The following GRM4 variants were observed in gnomAD, a reference collection of about 807,000 sequenced individuals.
GRM4 encodes the protein glutamate metabotropic receptor 4, also known as metabotropic glutamate receptor 4.
Under a neutral mutation model 81.7 loss-of-function variants are expected in GRM4, and 28 were observed. The ratio of observed to expected loss-of-function variants is 0.34; its 90% confidence interval spans 0.25 to 0.47. GRM4 has a LOEUF of 0.47. Among genes scored for constraint, GRM4 ranks in the 20% least tolerant of loss-of-function variants. The pLI, the probability that GRM4 is intolerant of heterozygous loss-of-function variation, is 1.00. For missense variants in GRM4, 948 were observed against 1,290.0 expected (o/e 0.73, Z 4.06); for synonymous variants, 488 against 528.8 (o/e 0.92, Z 1.06).
rs1394899016 is a variant in GRM4 at position 34,034,587 on chromosome 6, C to T, written c.2442+1081G>A. 1.3e-5 allele frequency among the ~76,000 whole-genome samples: 2 copies of T among 152,246 alleles called. No individual in the cohort carries two copies. Among genetic ancestry groups the T allele is most frequent in the Non-Finnish European group, 2.9e-5 (2 of 68,040 alleles). The stretch of plus-strand genomic sequence containing the variant: ...TCATTGCCACCATCTGGCCTGTCAC[C>T]TCTCTGATCTCGTTCCCCACTCCTC... On this transcript the variant is annotated intron_variant, in intron 9 of 10. Transcript: ENST00000538487. This position sits in a 1 kb window ranked among gnomAD's most constrained non-coding sequence, Gnocchi z 4.0.
Position 34,069,005 on chromosome 6 carries a change from CT to C in GRM4, c.737-6978del, listed in dbSNP as rs1766636557. On this transcript the variant is annotated intron_variant, in intron 3 of 10. Transcript: ENST00000538487. This position sits in a 1 kb window ranked among gnomAD's most constrained non-coding sequence, Gnocchi z 6.4. ...ACCCTAGGAATTCAAGTGGAAAAATCTACCTTATGGCAAAATGTGAAGGCAG... is the reference window on the plus strand; with the variant it reads ...ACCCTAGGAATTCAAGTGGAAAAATCACCTTATGGCAAAATGTGAAGGCAG... 6.6e-6 allele frequency among the ~76,000 whole-genome samples: 1 copy of C among 152,014 alleles called. No homozygotes were observed.
Position 34,033,409 on chromosome 6 carries a change from TG to T in GRM4, c.2442+2258del, listed in dbSNP as rs1398510066. Among the ~76,000 whole-genome samples, 3 of 149,296 alleles carry T rather than the reference TG, an allele frequency of 2.0e-5. No individual in the cohort carries two copies. The South Asian group carries it at 6.6e-4, about 33-fold the overall frequency. Reference sequence around the variant, plus strand: ...GCAGGGGGGAAGGGTGTGCTGGGGATGGGGGGGTGCTCCTAAGTTAGACAAA... The same window carrying T: ...GCAGGGGGGAAGGGTGTGCTGGGGATGGGGGGTGCTCCTAAGTTAGACAAA... On this transcript the variant is annotated intron_variant, in intron 9 of 10. Coordinates refer to ENST00000538487, the MANE Select transcript of GRM4 (RefSeq NM_000841.4).
rs996904916 is a variant in GRM4 at position 34,069,280 on chromosome 6, C to A, written c.737-7252G>T. 3.9e-5 allele frequency among the ~76,000 whole-genome samples: 6 copies of A among 152,246 alleles called. No homozygotes were observed. Among genetic ancestry groups the A allele is most frequent in the Admixed American group, 2.6e-4 (4 of 15,290 alleles). On this transcript the variant is annotated intron_variant, in intron 3 of 10. Transcript: ENST00000538487. This position sits in a 1 kb window ranked among gnomAD's most constrained non-coding sequence, Gnocchi z 6.4. ...CCAAAACAGCTCTCAGGAAGGGGAC[C>A]AGAAATAGCTGCTCAGAGGGCTTGG...
At position 34,035,680 on chromosome 6, in the gene GRM4, C is replaced by T; in HGVS notation, c.2430G>A (p.Gln810=). 2 of 1,577,554 alleles carry T rather than the reference C, an allele frequency of 1.3e-6. No homozygotes were observed. The highest frequency in any genetic ancestry group is 8.7e-7 in the Non-Finnish European group (1 of 1,153,794). The change falls in exon 9 of 11, where the codon CAG becomes CAA. Residue 810 remains glutamine (Q), a synonymous_variant. Coordinates refer to ENST00000538487, the MANE Select transcript of GRM4 (RefSeq NM_000841.4). The surrounding 1 kb of genome is among the most constrained non-coding windows in gnomAD (Gnocchi z 6.6). The part of the protein sequence containing the change: ...AFIPIFFGTS[Q]SADKLYIQTT... ...CCCCACCACTCACCTTGTCGGCCGACTGCGAGGTGCCAAAGAAGATGGGGA... is the reference window on the plus strand; with the variant it reads ...CCCCACCACTCACCTTGTCGGCCGATTGCGAGGTGCCAAAGAAGATGGGGA...
intron 2 of GRM4, among the ~76,000 whole-genome samples, chr6:34,116,659 A>AAT (rs1364440174): frequency 2.6e-5 from 4 of 152,062 alleles, no homozygotes; most frequent in Admixed American, 1.3e-4. Context: ...AATTCCACTT[A>AAT]ATATATATAT....
intron 2 of GRM4, among the ~76,000 whole-genome samples, chr6:34,131,287 T>A (rs776500413): frequency 2.0e-5 from 3 of 152,230 alleles, no homozygotes; most frequent in Non-Finnish European, 2.9e-5. Context: ...CTGCTTCATC[T>A]TCAAACTACG....
chr6:34,084,912 C>T (rs986756681), intron 3 of GRM4, among the ~76,000 whole-genome samples: 2 of 152,206 alleles, frequency 1.3e-5, no homozygotes, highest in African/African-American at 2.4e-5. Context: ...GTCTTCACTT[C>T]AATGGACACA....
In GRM4 at chr6:34,036,136, G is replaced by C. The variant is rs748147488; in HGVS notation, c.1974C>G (p.Phe658Leu). ...AGCTGATGCTCATCCCTAGTCCCAG[G>C]AAGATTCGGCGCAGCGAGCAGGTGC... ...DLGTCSLRRI[F>L]LGLGMSISYA... The change falls in exon 9 of 11, where the codon TTC becomes TTG. Residue 658 changes from phenylalanine (F) to leucine (L), a missense_variant. Coordinates refer to ENST00000538487, the MANE Select transcript of GRM4 (RefSeq NM_000841.4). This position sits in a 1 kb window ranked among gnomAD's most constrained non-coding sequence, Gnocchi z 9.0. 6.2e-7 allele frequency: 1 copy of C among 1,614,114 alleles called. No homozygotes were observed. The highest frequency in any genetic ancestry group is 1.7e-5 in the Admixed American group (1 of 60,006).
In GRM4 at chr6:34,086,394, G is replaced by A. The variant is rs76266645; in HGVS notation, c.736+5489C>T. 6.1e-3 allele frequency among the ~76,000 whole-genome samples: 929 copies of A among 152,264 alleles called. 5 individuals are homozygous for A. The highest frequency in any genetic ancestry group is 0.021 in the African/African-American group (878 of 41,548). The stretch of plus-strand genomic sequence containing the variant: ...GACCCAGCAACAGCTTGACTCACCC[G>A]CATCTCTGGAATATCAATGGAGGGC... On this transcript the variant is annotated intron_variant, in intron 3 of 10. Coordinates refer to ENST00000538487, the MANE Select transcript of GRM4 (RefSeq NM_000841.4).
chr6:34,132,912 C>T, intron 2 of GRM4, 66 bp downstream of exon 2: 2 of 1,377,452 alleles, frequency 1.5e-6, no homozygotes, highest in Non-Finnish European at 2.0e-6. Flanking sequence ...GGCCTGGCAC[C>T]CTGAAGTGGG....
upstream of GRM4, among the ~76,000 whole-genome samples, chr6:34,148,351 G>A (rs1581745677): frequency 1.3e-5 from 2 of 151,914 alleles, no homozygotes; most frequent in Admixed American, 1.3e-4. Context: ...TTGCCATGGA[G>A]ACAGACTCAG....
At chr6:34,110,405 C>T (rs1769323684) in intron 2 of GRM4, among the ~76,000 whole-genome samples, 1 of 151,582 alleles carries the variant, frequency 6.6e-6, no homozygotes, top group Admixed American at 6.6e-5. Flanking sequence ...GCCTCACTTA[C>T]CTCTGCACTT....
intron 2 of GRM4, chr6:34,099,876 T>C (rs1040895384): frequency 4.9e-5 from 8 of 164,652 alleles, no homozygotes; most frequent in African/African-American, 7.2e-5. Context: ...GGGCCACACA[T>C]TGGGGCCCTT....
intron 1 of GRM4, 65 bp downstream of exon 1, chr6:34,145,935 C>A: frequency 1.1e-6 from 1 of 933,878 alleles, no homozygotes; most frequent in Non-Finnish European, 1.3e-6. Flanking sequence ...CCACCACACC[C>A]CACCGGCGCC....
At chr6:34,040,478 C>T in intron 7 of GRM4, 70 bp downstream of exon 7, 1 of 1,483,884 alleles carries the variant, frequency 6.7e-7, no homozygotes, top group Non-Finnish European at 9.3e-7. Context: ...CCCACAGAGC[C>T]TAAGGGCCCC....
Position 34,069,646 on chromosome 6 carries a change from C to T in GRM4, c.737-7618G>A, listed in dbSNP as rs1467052332. Among the ~76,000 whole-genome samples, 1 of 125,992 alleles carries T rather than the reference C, an allele frequency of 7.9e-6. No homozygotes were observed. The highest frequency in any genetic ancestry group is 1.6e-5 in the Non-Finnish European group (1 of 63,272). 82.7% of individuals were successfully genotyped at this position (125,992 alleles called of 152,430 possible). On this transcript the variant is annotated intron_variant, in intron 3 of 10. Coordinates refer to ENST00000538487, the MANE Select transcript of GRM4 (RefSeq NM_000841.4). This position sits in a 1 kb window ranked among gnomAD's most constrained non-coding sequence, Gnocchi z 6.4. The stretch of plus-strand genomic sequence containing the variant: ...CGGCTTTACAACCCTTGGCAGCCCC[C>T]AGTGTGTGTGTGTGTGTGTGTGTGT...
intron 2 of GRM4, among the ~76,000 whole-genome samples, chr6:34,117,021 T>C (rs1769627595): frequency 6.6e-6 from 1 of 152,196 alleles, no homozygotes; most frequent in Non-Finnish European, 1.5e-5. Flanking sequence ...GAAAGGATAT[T>C]AACTAGGAGG....
Position 34,065,036 on chromosome 6 carries a change from G to A in GRM4, c.737-3008C>T, listed in dbSNP as rs1167801326. ...CCTTTCCTTGCAAAGCAATGACTCC[G>A]CAGCAGCCACTGAGAATAAAGGGGC... On this transcript the variant is annotated intron_variant, in intron 3 of 10. Transcript: ENST00000538487. Among the ~76,000 whole-genome samples, 5 of 152,234 alleles carry A rather than the reference G, an allele frequency of 3.3e-5. No individual in the cohort carries two copies. The East Asian group carries it at 5.8e-4, about 18-fold the overall frequency.
rs757986120 is a variant in GRM4, at chr6:34,028,121, T to C, written c.2688A>G (p.Pro896=). ...KSELCENLEA[P]ALATKQTYVT... is the part of the protein sequence containing the mutation. The stretch of plus-strand genomic sequence containing the variant: ...GGCAGAACGGGGCCAGGCACTCACC[T>C]GGGGCCTCAAGGTTCTCGCAGAGCT... The change falls in exon 10 of 11, where the codon CCA becomes CCG. Residue 896 remains proline, a splice_region_variant and synonymous_variant. Transcript: ENST00000538487. 3 of 1,610,924 alleles carry C rather than the reference T, an allele frequency of 1.9e-6. No individual in the cohort carries two copies. Among genetic ancestry groups the C allele is most frequent in the East Asian group, 2.2e-5 (1 of 44,784 alleles).
Sources: allele counts gnomAD v4.1 joint callset (sites outside exome capture counted in the v4.1 genomes callset), GRCh38; gene constraint gnomAD v4.1.1; non-coding constraint Gnocchi (gnomAD v3.1); transcripts MANE v1.5; gene names NCBI Gene and HGNC (gene_info 2026-07-23, HGNC 2026-07-21).